RBMS2: variants seen among roughly 807,000 people sequenced by gnomAD.
The protein encoded by RBMS2 is RNA-binding motif, single-stranded-interacting protein 2.
RBMS2 carries 38 observed loss-of-function variants against 58.4 expected under a neutral mutation model. The ratio of observed to expected loss-of-function variants is 0.65; its 90% confidence interval spans 0.50 to 0.85. The LOEUF (loss-of-function observed/expected upper bound fraction) is 0.85, where lower values mean the gene tolerates loss of function less well. Among genes scored for constraint, RBMS2 ranks in the 40% least tolerant of loss-of-function variants. RBMS2 has a pLI of 0.00. For synonymous variants in RBMS2, 151 were observed against 180.7 expected (o/e 0.84, Z 1.32); for missense variants, 367 against 503.7 (o/e 0.73, Z 2.60).
At chr12:56,523,298 G>A (rs1225035646) in intron 1 of RBMS2, among the ~76,000 whole-genome samples, 1 of 152,134 alleles carries the variant, frequency 6.6e-6, no homozygotes, top group Non-Finnish European at 1.5e-5. Context: ...GACTATAGAT[G>A]ATAAAGTTGT....
At chr12:56,563,049 G>A (rs1880722764) in intron 2 of RBMS2, among the ~76,000 whole-genome samples, 1 of 152,146 alleles carries the variant, frequency 6.6e-6, no homozygotes, top group South Asian at 2.1e-4. Context: ...TGTGAACCCT[G>A]GAGGCTGAGC....
chr12:56,589,328 G>A lies in RBMS2; in HGVS notation c.*195G>A. The A allele has an allele frequency of 2.3e-6, 3 of 1,287,456 alleles. No individual in the cohort carries two copies. The highest frequency in any genetic ancestry group is 3.0e-6 in the Non-Finnish European group (3 of 998,096). The allele number at this position is 1,287,456 out of a possible 1,614,324, so 79.8% of individuals were successfully genotyped here. A position where few individuals can be genotyped will look rare whatever the true frequency, so the allele number is the denominator to read the frequency against. On this transcript the variant is annotated 3_prime_UTR_variant, in exon 14 of 14. Transcript: ENST00000262031. ...TACGTTCCTGCCCTTTACTATTGCT[G>A]ATGGAGCCTGGGGGAACCATCACTT...
chr12:56,560,660 G>A (rs780742364), intron 1 of RBMS2, among the ~76,000 whole-genome samples: 6 of 152,122 alleles, frequency 3.9e-5, no homozygotes, highest in Non-Finnish European at 5.9e-5. Context: ...CTCCCAAAGC[G>A]CTGGGATTAC....
chr12:56,584,049 C>T (rs890943256), intron 9 of RBMS2, among the ~76,000 whole-genome samples: 1 of 152,222 alleles, frequency 6.6e-6, no homozygotes, highest in African/African-American at 2.4e-5. Flanking sequence ...CAAGAATTTG[C>T]ATGTCCAACA....
At chr12:56,561,798 AG>A (rs1880474283) in intron 1 of RBMS2, among the ~76,000 whole-genome samples, 2 of 142,098 alleles carry the variant, frequency 1.4e-5, no homozygotes, top group Admixed American at 1.4e-4. Context: ...TGGGGTTACA[AG>A]GGTGAGCCAC....
intron 1 of RBMS2, among the ~76,000 whole-genome samples, chr12:56,539,015 C>G (rs1258646152): frequency 6.9e-6 from 1 of 144,186 alleles, no homozygotes; most frequent in Admixed American, 7.0e-5. Flanking sequence ...TTCAGAAATT[C>G]TTTTTTTTTT....
rs1885069174 is a variant in RBMS2 at position 56,588,986 on chromosome 12, G to A, written c.1198G>A (p.Val400Ile). 6 of 1,614,166 alleles carry A rather than the reference G, an allele frequency of 3.7e-6. No individual in the cohort carries two copies. The highest frequency in any genetic ancestry group is 1.1e-5 in the South Asian group (1 of 91,082). The change falls in exon 13 of 14, where the codon GTC (valine) becomes ATC (isoleucine). Residue 400 changes from valine to isoleucine, a missense_variant. By Grantham distance (29) the Val-to-Ile change is conservative. Coordinates refer to ENST00000262031, the MANE Select transcript of RBMS2 (RefSeq NM_002898.4). ...VAVDAPSEHG[V>I]YSFQFNK ...AGTGGACGCACCCTCAGAGCATGGG[G>A]TCTATTCTTTCCAGTTCAACAAGTA...
intron 4 of RBMS2, among the ~76,000 whole-genome samples, 192 bp downstream of exon 4, chr12:56,570,182 C>G (rs1289117931): frequency 5.3e-5 from 8 of 152,124 alleles, no homozygotes; most frequent in African/African-American, 1.9e-4. Flanking sequence ...TGGCAGGTAG[C>G]TCTATCAGCT....
chr12:56,531,310 T>G (rs1478348799), intron 1 of RBMS2, among the ~76,000 whole-genome samples: 1 of 152,086 alleles, frequency 6.6e-6, no homozygotes. Context: ...GTGATTAAGC[T>G]ATCACATTTA....
upstream of RBMS2, among the ~76,000 whole-genome samples, chr12:56,521,510 T>TTTG (rs1871725601): frequency 1.4e-5 from 2 of 146,426 alleles, no homozygotes; most frequent in Non-Finnish European, 3.0e-5. Flanking sequence ...CTGTTTTTTT[T>TTTG]TTTTTTTTTT....
intron 1 of RBMS2, among the ~76,000 whole-genome samples, chr12:56,540,458 C>G (rs1337633723): frequency 2.0e-5 from 3 of 152,132 alleles, no homozygotes; most frequent in Admixed American, 6.6e-5. Flanking sequence ...ACTGCAGCCT[C>G]AAACACCTGA....
intron 5 of RBMS2, chr12:56,572,880 T>G (rs1882527849): frequency 3.0e-6 from 3 of 984,948 alleles, no homozygotes; most frequent in East Asian, 2.3e-4. Flanking sequence ...TGGAGATTGA[T>G]TCAGATGAGT....
rs1451985100 is a variant in RBMS2, at chr12:56,593,937, G to A, written c.*4804G>A. On this transcript the variant is annotated 3_prime_UTR_variant, in exon 14 of 14. Transcript: ENST00000262031. ...AGGGTAATAGACCTTGTCAGTAACA[G>A]ATAAGGAGTGGTAAGAGGACATTAC... is the stretch of plus-strand genomic sequence containing the variant. 1 of 152,292 alleles carries A rather than the reference G, an allele frequency of 6.6e-6. No homozygotes were observed. Among genetic ancestry groups the A allele is most frequent in the Non-Finnish European group, 1.5e-5 (1 of 68,072 alleles). The allele number at this position is 152,292 out of a possible 1,614,324, so 9.4% of individuals were successfully genotyped here.
At chr12:56,547,652 C>CTTTT (rs71081378) in intron 1 of RBMS2, among the ~76,000 whole-genome samples, 2 of 137,992 alleles carry the variant, frequency 1.4e-5, no homozygotes, top group Non-Finnish European at 3.1e-5. Context: ...CTTTTCTTTT[C>CTTTT]TTTTTTTTTT....
At chr12:56,556,227 C>T (rs530400606) in intron 1 of RBMS2, among the ~76,000 whole-genome samples, 11 of 151,954 alleles carry the variant, frequency 7.2e-5, no homozygotes, top group South Asian at 2.1e-4. Context: ...GGCAACATAG[C>T]GAGACCTGAA....
At chr12:56,573,440 G>T (rs1882632484) in intron 5 of RBMS2, among the ~76,000 whole-genome samples, 1 of 124,466 alleles carries the variant, frequency 8.0e-6, no homozygotes, top group Admixed American at 1.1e-4. Context: ...TCGCGCCATT[G>T]CATTCCAGCC....
In RBMS2 at chr12:56,522,090, G is replaced by A. The variant is rs1412973723; in HGVS notation, c.66+1G>A. 8 of 1,589,654 alleles carry A rather than the reference G, an allele frequency of 5.0e-6. No homozygotes were observed. Among genetic ancestry groups the A allele is most frequent in the Non-Finnish European group, 6.9e-6 (8 of 1,159,946 alleles). ...TGGCTACAATAGAAACAACAAGAAG[G>A]TAGGGAAAAGCGCTTTTTTGGTATC... On this transcript the variant is annotated splice_donor_variant, in intron 1 of 13. Coordinates refer to ENST00000262031, the MANE Select transcript of RBMS2 (RefSeq NM_002898.4). LOFTEE classifies it high-confidence loss of function.
intron 1 of RBMS2, among the ~76,000 whole-genome samples, chr12:56,555,456 A>AT (rs1437265932): frequency 1.3e-5 from 2 of 150,324 alleles, no homozygotes; most frequent in African/African-American, 2.4e-5. Flanking sequence ...AAAAAAAAAA[A>AT]GGAAGAAGAA....
chr12:56,537,981 T>A (rs1011832074), intron 1 of RBMS2, among the ~76,000 whole-genome samples: 3 of 152,066 alleles, frequency 2.0e-5, no homozygotes. Context: ...TTTGTAAATC[T>A]TCTTTGGAGA....
Sources: gnomAD v4.1 joint callset for allele counts (sites outside exome capture counted in the v4.1 genomes callset) on GRCh38, gnomAD v4.1.1 for gene constraint, MANE v1.5 for transcripts, NCBI Gene and HGNC (gene_info 2026-07-23, HGNC 2026-07-21) for gene names.